Variants in UNC13C observed in about 807,000 individuals in gnomAD.
UNC13C encodes protein unc-13 homolog C.
UNC13C carries 174 observed loss-of-function variants against 245.4 expected under a neutral mutation model. The ratio of observed to expected loss-of-function variants is 0.71; its 90% CI spans 0.63 to 0.80. UNC13C has a LOEUF of 0.80. Among genes scored for constraint, UNC13C ranks in the 30% least tolerant of loss-of-function variants. The probability of loss-of-function intolerance (pLI) is 0.00; values close to 1 mark genes in which losing one functional copy is unlikely to be tolerated. For synonymous variants in UNC13C, 992 were observed against 895.1 expected (o/e 1.11, Z -1.93); for missense variants, 2,829 against 2,602.9 (o/e 1.09, Z -1.89).
chr15:54,218,118 G>A (rs912495787), intron 4 of UNC13C, among the ~76,000 whole-genome samples: 3 of 151,886 alleles, frequency 2.0e-5, no homozygotes, highest in Non-Finnish European at 4.4e-5. Flanking sequence ...GTTTTATAGG[G>A]GATATGACAG....
chr15:54,595,245 C>T (rs1961635), intron 30 of UNC13C, among the ~76,000 whole-genome samples: 21,588 of 151,934 alleles, frequency 0.14, 1,600 homozygotes, highest in Middle Eastern at 0.24. Flanking sequence ...TGCCGTTATG[C>T]TCTCGGGGCC....
intron 19 of UNC13C, among the ~76,000 whole-genome samples, chr15:54,447,194 A>C (rs1403280599): frequency 6.6e-6 from 1 of 152,176 alleles, no homozygotes; most frequent in Non-Finnish European, 1.5e-5. Flanking sequence ...TCAGTTTGTC[A>C]GTATTTTATT....
intron 2 of UNC13C, among the ~76,000 whole-genome samples, chr15:54,092,972 A>C (rs1282289825): frequency 6.6e-6 from 1 of 152,182 alleles, no homozygotes; most frequent in Admixed American, 6.5e-5. Flanking sequence ...AGAAAGGTGA[A>C]TAATGATTAG....
intron 18 of UNC13C, among the ~76,000 whole-genome samples, chr15:54,406,026 CT>C (rs1464240669): frequency 6.6e-6 from 1 of 152,030 alleles, no homozygotes; most frequent in Non-Finnish European, 1.5e-5. Flanking sequence ...TCCTTCTATC[CT>C]CTGAGTCCTC....
At chr15:54,210,182 T>G (rs2034835591) in intron 4 of UNC13C, among the ~76,000 whole-genome samples, 1 of 149,766 alleles carries the variant, frequency 6.7e-6, no homozygotes, top group Non-Finnish European at 1.5e-5. Context: ...TTTATTATAT[T>G]ATGCAAAGAA....
chr15:54,255,840 G>C (rs1379474988), intron 8 of UNC13C, among the ~76,000 whole-genome samples: 2 of 152,142 alleles, frequency 1.3e-5, no homozygotes, highest in East Asian at 3.9e-4. Flanking sequence ...CTCCCAGCAT[G>C]TTATTGCATT....
intron 30 of UNC13C, among the ~76,000 whole-genome samples, chr15:54,573,071 C>T (rs1897826742): frequency 6.6e-6 from 1 of 151,996 alleles, no homozygotes; most frequent in African/African-American, 2.4e-5. Context: ...GACATACTTC[C>T]CTTTAAAAAT....
the UNC13C span, among the ~76,000 whole-genome samples, chr15:53,903,694 G>A: frequency 1.3e-5 from 2 of 152,176 alleles, no homozygotes; most frequent in African/African-American, 2.4e-5. Flanking sequence ...AGTAGGATAA[G>A]GAAAGCAGGC....
chr15:54,494,850 AT>A, intron 20 of UNC13C, 116 bp downstream of exon 20: 1 of 1,231,454 alleles, frequency 8.1e-7, no homozygotes, highest in Non-Finnish European at 1.1e-6. Flanking sequence ...GAATGCAGAA[AT>A]TTCCATTATG....
the UNC13C span, among the ~76,000 whole-genome samples, chr15:53,904,620 A>G: frequency 2.6e-5 from 4 of 152,160 alleles, no homozygotes; most frequent in African/African-American, 4.8e-5. Context: ...ACAAAGTACG[A>G]TATTCTGAAC....
At chr15:54,373,282 A>C (rs771197733) in intron 17 of UNC13C, among the ~76,000 whole-genome samples, 6 of 152,176 alleles carry the variant, frequency 3.9e-5, no homozygotes, top group Non-Finnish European at 7.3e-5. Context: ...CATTAGCCAG[A>C]AAACTTTGTG....
intron 17 of UNC13C, among the ~76,000 whole-genome samples, chr15:54,362,612 A>G (rs2039260433): frequency 6.6e-6 from 1 of 152,184 alleles, no homozygotes; most frequent in Non-Finnish European, 1.5e-5. Flanking sequence ...TTATAGAACC[A>G]TAACATCACT....
At chr15:54,421,388 C>T (rs1251493584) in intron 19 of UNC13C, among the ~76,000 whole-genome samples, 10 of 152,118 alleles carry the variant, frequency 6.6e-5, no homozygotes, top group African/African-American at 2.4e-4. Context: ...TATACAAATG[C>T]CCTATAGCCC....
At chr15:54,446,491 C>T (rs1285880535) in intron 19 of UNC13C, among the ~76,000 whole-genome samples, 2 of 152,152 alleles carry the variant, frequency 1.3e-5, no homozygotes, top group South Asian at 2.1e-4. Context: ...TTCTAGTTCT[C>T]CTTGAAGAGG....
intron 4 of UNC13C, among the ~76,000 whole-genome samples, chr15:54,172,214 A>G (rs2033425733): frequency 6.6e-6 from 1 of 152,086 alleles, no homozygotes; most frequent in Non-Finnish European, 1.5e-5. Flanking sequence ...GACTGCAGTC[A>G]ATAATGTATT....
intron 1 of UNC13C, among the ~76,000 whole-genome samples, chr15:54,011,665 A>C (rs1202317984): frequency 1.3e-5 from 2 of 152,212 alleles, no homozygotes; most frequent in African/African-American, 2.4e-5. Flanking sequence ...TCAGAGCAGA[A>C]GAGTTATACC....
At chr15:54,242,957 C>T (rs544470598) in intron 7 of UNC13C, among the ~76,000 whole-genome samples, 1 of 152,118 alleles carries the variant, frequency 6.6e-6, no homozygotes, top group South Asian at 2.1e-4. Flanking sequence ...TTATAAAATC[C>T]GAAACATTCT....
At chr15:54,210,546 T>C (rs560846189) in intron 4 of UNC13C, among the ~76,000 whole-genome samples, 19 of 152,234 alleles carry the variant, frequency 1.2e-4, no homozygotes, top group African/African-American at 4.1e-4. Context: ...ATTCAATTAT[T>C]TATAATTCCA....
chr15:54,613,411 GTATAC>G (rs976112357), intron 30 of UNC13C, among the ~76,000 whole-genome samples: 2 of 151,814 alleles, frequency 1.3e-5, no homozygotes, highest in African/African-American at 2.4e-5. Flanking sequence ...TTCATGAATG[GTATAC>G]TATACAGTAG....
Sources: gnomAD v4.1 joint callset for allele counts (sites outside exome capture counted in the v4.1 genomes callset) on GRCh38, gnomAD v4.1.1 for gene constraint, MANE v1.5 for transcripts, NCBI Gene and HGNC (gene_info 2026-07-23, HGNC 2026-07-21) for gene names.